The following ESYT2 variants were observed in gnomAD, a reference collection of about 807,000 sequenced individuals.
ESYT2 encodes the protein extended synaptotagmin-2.
A neutral mutation model predicts 107.2 loss-of-function variants in ESYT2; 54 were observed. The ratio of observed to expected loss-of-function variants is 0.50; its 90% confidence interval spans 0.40 to 0.63. The LOEUF (loss-of-function observed/expected upper bound fraction) is 0.63. Among genes scored for constraint, ESYT2 ranks in the 30% least tolerant of loss-of-function variants. The pLI, the probability that ESYT2 is intolerant of heterozygous loss-of-function variation, is 0.00. For synonymous variants in ESYT2, 491 were observed against 434.1 expected (o/e 1.13, Z -1.63); for missense variants, 1,020 against 1,094.5 (o/e 0.93, Z 0.96).
At chr7:158,789,241 T>A (rs953714102) in intron 4 of ESYT2, among the ~76,000 whole-genome samples, 3 of 152,216 alleles carry the variant, frequency 2.0e-5, no homozygotes, top group Non-Finnish European at 4.4e-5. Context: ...TTAAAGCCAA[T>A]ACCTACAGAT....
Position 158,733,160 on chromosome 7 carries a change from TC to T in ESYT2, c.*1046del, listed in dbSNP as rs1286618585. 2.0e-5 allele frequency: 3 copies of T among 152,216 alleles called. No homozygotes were observed. The highest frequency in any genetic ancestry group is 4.4e-5 in the Non-Finnish European group (3 of 68,044). 9.4% of individuals were successfully genotyped at this position (152,216 alleles called of 1,614,324 possible). A position where few individuals can be genotyped will look rare whatever the true frequency, so the allele number is the denominator to read the frequency against. ...TGCACATCGGCTCAAAGGTCCCACA[TC>T]CTATGTGTGAGGTCACACTGGGGGT... On this transcript the variant is annotated 3_prime_UTR_variant, in exon 23 of 23. Coordinates refer to ENST00000275418, the MANE Select transcript of ESYT2 (RefSeq NM_001367773.1).
chr7:158,772,327 G>C (rs2129472534), intron 7 of ESYT2, among the ~76,000 whole-genome samples: 1 of 152,174 alleles, frequency 6.6e-6, no homozygotes, highest in Non-Finnish European at 1.5e-5. Context: ...CTGTGCTTCA[G>C]ATAATTAAAG....
intron 4 of ESYT2, among the ~76,000 whole-genome samples, chr7:158,793,048 A>G (rs930399378): frequency 6.6e-5 from 10 of 151,698 alleles, no homozygotes; most frequent in Non-Finnish European, 1.0e-4. Context: ...GATTACAGGC[A>G]TGAGCCACCA....
intron 16 of ESYT2, among the ~76,000 whole-genome samples, chr7:158,745,415 C>A (rs1192451751): frequency 6.8e-6 from 1 of 147,968 alleles, no homozygotes; most frequent in East Asian, 2.1e-4. Context: ...GATTTAAACG[C>A]CATGCTCTTC....
chr7:158,754,563 T>C (rs1837690377), intron 13 of ESYT2, among the ~76,000 whole-genome samples: 1 of 152,166 alleles, frequency 6.6e-6, no homozygotes, highest in South Asian at 2.1e-4. Context: ...CTAGCATCAT[T>C]AGGCCTAAGG....
At chr7:158,813,460 C>T (rs1362616801) in intron 1 of ESYT2, among the ~76,000 whole-genome samples, 1 of 152,166 alleles carries the variant, frequency 6.6e-6, no homozygotes, top group Non-Finnish European at 1.5e-5. Context: ...TTGTGACAGA[C>T]ATAGCAAAGG....
intron 1 of ESYT2, among the ~76,000 whole-genome samples, chr7:158,828,186 C>G (rs1840511076): frequency 6.6e-6 from 1 of 152,246 alleles, no homozygotes; most frequent in African/African-American, 2.4e-5. Context: ...ACTTACTGCC[C>G]TTGAAATGCG....
At chr7:158,797,574 G>A (rs576462973) in intron 3 of ESYT2, among the ~76,000 whole-genome samples, 4 of 152,060 alleles carry the variant, frequency 2.6e-5, no homozygotes, top group East Asian at 3.9e-4. Context: ...TGTGTTTTTC[G>A]GCCAGGCGCG....
rs1003635463 is a variant in ESYT2, at chr7:158,798,139, C to T, written c.373-63G>A. The T allele has an allele frequency of 8.1e-5, 128 of 1,575,060 alleles. No homozygotes were observed. In the Admixed American group the frequency reaches 2.2e-3, roughly 26 times the overall value. On this transcript the variant is annotated intron_variant, in intron 2 of 22. Coordinates refer to ENST00000275418, the MANE Select transcript of ESYT2 (RefSeq NM_001367773.1). ...ATATAATGCATGACACACACGAGTG[C>T]TCGTGAGAAACCCTCGCAACAGACC... is the stretch of plus-strand genomic sequence containing the variant.
At chr7:158,772,267 T>C (rs987458228) in intron 7 of ESYT2, among the ~76,000 whole-genome samples, 1 of 152,220 alleles carries the variant, frequency 6.6e-6, no homozygotes, top group Non-Finnish European at 1.5e-5. Context: ...GATCACAGCA[T>C]TTTTCTGCAT....
chr7:158,749,489 G>A (rs1432943056), intron 15 of ESYT2, among the ~76,000 whole-genome samples, 160 bp downstream of exon 15: 1 of 152,162 alleles, frequency 6.6e-6, no homozygotes, highest in Non-Finnish European at 1.5e-5. Flanking sequence ...TATATCAAAT[G>A]ACTGATCTAA....
intron 1 of ESYT2, among the ~76,000 whole-genome samples, chr7:158,827,336 C>T (rs1475046983): frequency 6.6e-6 from 1 of 152,044 alleles, no homozygotes; most frequent in Non-Finnish European, 1.5e-5. Context: ...GCAATGGATG[C>T]TAATGGACTC....
At chr7:158,799,882 C>T (rs1468454894) in intron 1 of ESYT2, among the ~76,000 whole-genome samples, 1 of 152,094 alleles carries the variant, frequency 6.6e-6, no homozygotes, top group African/African-American at 2.4e-5. Context: ...GTAACCCCAA[C>T]ACTTTGGGAG....
intron 6 of ESYT2, among the ~76,000 whole-genome samples, chr7:158,778,714 C>T (rs538745714): frequency 6.6e-6 from 1 of 152,160 alleles, no homozygotes; most frequent in Non-Finnish European, 1.5e-5. Context: ...GGATGCAATG[C>T]TCTTCCTCAC....
chr7:158,765,315 G>A (rs1196425005), intron 8 of ESYT2, among the ~76,000 whole-genome samples: 2 of 152,214 alleles, frequency 1.3e-5, no homozygotes. Context: ...GACCTGTCAC[G>A]AAGCATTAGA....
At chr7:158,778,390 C>T (rs562471877) in intron 6 of ESYT2, among the ~76,000 whole-genome samples, 29 of 151,192 alleles carry the variant, frequency 1.9e-4, no homozygotes, top group African/African-American at 6.6e-4. Context: ...TGATTTTGGA[C>T]CTGTTAATAT....
intron 16 of ESYT2, 143 bp downstream of exon 16, chr7:158,748,051 C>T: frequency 1.4e-6 from 1 of 692,396 alleles, no homozygotes; most frequent in Non-Finnish European, 2.4e-6. Flanking sequence ...TAGGGGAGGC[C>T]CGGGTTACAG....
rs368139564 is a variant in ESYT2 at position 158,765,824 on chromosome 7, CTT to C, written c.925-973_925-972del. 3.1e-3 allele frequency among the ~76,000 whole-genome samples: 478 copies of C among 152,202 alleles called. 2 individuals carry two copies. The highest frequency in any genetic ancestry group is 0.011 in the African/African-American group (454 of 41,524). On this transcript the variant is annotated intron_variant, in intron 8 of 22. Coordinates refer to ENST00000275418, the MANE Select transcript of ESYT2 (RefSeq NM_001367773.1). ...TGATAAAATAAAAAAAAAATTCACT[CTT>C]ATTTCTTCCAAGGCAAACAAAGATG...
intron 1 of ESYT2, among the ~76,000 whole-genome samples, chr7:158,813,812 T>C (rs1840053852): frequency 6.6e-6 from 1 of 150,604 alleles, no homozygotes; most frequent in Admixed American, 6.6e-5. Context: ...CTCTCACAGA[T>C]CAAAAACATT....
Sources: gnomAD v4.1 joint callset for allele counts (sites outside exome capture counted in the v4.1 genomes callset) on GRCh38, gnomAD v4.1.1 for gene constraint, MANE v1.5 for transcripts, NCBI Gene and HGNC (gene_info 2026-07-23, HGNC 2026-07-21) for gene names.